The following USP12 variants were observed in gnomAD, a reference collection of about 807,000 sequenced individuals.
The protein encoded by USP12 is ubiquitin specific peptidase 12, also known as ubiquitin carboxyl-terminal hydrolase 12.
In USP12, 19 loss-of-function variants were observed where a neutral mutation model predicts 45.5. The observed-to-expected ratio is 0.42, with a 90% CI of 0.29 to 0.61. The LOEUF is 0.61. Among genes scored for constraint, USP12 ranks in the 20% least tolerant of loss-of-function variants. The pLI is 0.22. For synonymous variants in USP12, 149 were observed against 148.8 expected (o/e 1.00, Z -0.01); for missense variants, 242 against 447.7 (o/e 0.54, Z 4.15).
At chr13:27,127,744 T>C (rs544305579) in intron 1 of USP12, among the ~76,000 whole-genome samples, 28 of 152,330 alleles carry the variant, frequency 1.8e-4, no homozygotes, top group Admixed American at 1.5e-3. Flanking sequence ...GAAGCACATA[T>C]GTAACATATT....
chr13:27,117,884 G>A (rs1365913134), intron 1 of USP12: 3 of 512,822 alleles, frequency 5.8e-6, no homozygotes, highest in Non-Finnish European at 1.2e-5. Context: ...TGAGCACCAT[G>A]GTGGGGGATG....
At chr13:27,136,319 GA>G (rs370350801) in intron 1 of USP12, among the ~76,000 whole-genome samples, 117 of 152,246 alleles carry the variant, frequency 7.7e-4, no homozygotes, top group African/African-American at 2.6e-3. Context: ...CCAACATGGC[GA>G]AACCCCATCT....
At chr13:27,169,226 T>C (rs1361326001) in intron 1 of USP12, 2 of 152,018 alleles carry the variant, frequency 1.3e-5, no homozygotes, top group Non-Finnish European at 2.9e-5. Flanking sequence ...GCCATGAAAC[T>C]GTATGAAGGG....
chr13:27,116,499 T>C lies in USP12; in HGVS notation c.129+17A>G, dbSNP rs762957609. 4.3e-6 allele frequency: 7 copies of C among 1,610,274 alleles called. No individual in the cohort carries two copies. Among genetic ancestry groups the C allele is most frequent in the Non-Finnish European group, 5.9e-6 (7 of 1,177,634 alleles). ...GCTTCCGAACATGATTCTAAAAGCG[T>C]ATCAATGGATACTTACATTGACTAA... On this transcript the variant is annotated intron_variant, in intron 2 of 8. Coordinates refer to ENST00000282344, the MANE Select transcript of USP12 (RefSeq NM_182488.4).
chr13:27,094,041 A>G (rs1874444261), intron 4 of USP12, among the ~76,000 whole-genome samples: 1 of 152,172 alleles, frequency 6.6e-6, no homozygotes, highest in African/African-American at 2.4e-5. Flanking sequence ...TTCCAATGTT[A>G]TTAAAAACTA....
chr13:27,096,717 A>G (rs1874599276), intron 3 of USP12, among the ~76,000 whole-genome samples: 1 of 152,214 alleles, frequency 6.6e-6, no homozygotes, highest in Non-Finnish European at 1.5e-5. Context: ...TGCCACACAC[A>G]AAGTAATGCC....
At chr13:27,128,285 T>C (rs1403145218) in intron 1 of USP12, among the ~76,000 whole-genome samples, 2 of 152,240 alleles carry the variant, frequency 1.3e-5, no homozygotes, top group Non-Finnish European at 2.9e-5. Flanking sequence ...GTAGTAATAA[T>C]ACTGGCTTTT....
At chr13:27,133,349 T>C (rs1414373778) in intron 1 of USP12, among the ~76,000 whole-genome samples, 3 of 152,240 alleles carry the variant, frequency 2.0e-5, no homozygotes, top group Non-Finnish European at 4.4e-5. Flanking sequence ...ATAGTATTAC[T>C]TCAAAGTAGT....
intron 3 of USP12, among the ~76,000 whole-genome samples, chr13:27,102,978 C>T (rs1445519188): frequency 1.3e-5 from 2 of 152,210 alleles, no homozygotes. Flanking sequence ...TGCAACAGTC[C>T]TCTTATGCTA....
chr13:27,084,120 C>A (rs915350537), intron 6 of USP12, among the ~76,000 whole-genome samples: 4 of 147,044 alleles, frequency 2.7e-5, no homozygotes, highest in Non-Finnish European at 6.0e-5. Context: ...TTTTTAACTA[C>A]AAAAAAAATA....
intron 1 of USP12, among the ~76,000 whole-genome samples, chr13:27,155,627 CAGG>C (rs1268977848): frequency 6.6e-6 from 1 of 152,044 alleles, no homozygotes; most frequent in Non-Finnish European, 1.5e-5. Context: ...TGTAAAAGCA[CAGG>C]AGTAGTAAAT....
intron 1 of USP12, among the ~76,000 whole-genome samples, chr13:27,117,477 A>G (rs945266706): frequency 2.1e-5 from 3 of 142,648 alleles, no homozygotes; most frequent in Non-Finnish European, 4.6e-5. Context: ...TTGTTAGGGA[A>G]ATAGATACAT....
chr13:27,107,977 A>G (rs547212846), intron 2 of USP12, among the ~76,000 whole-genome samples: 2 of 152,220 alleles, frequency 1.3e-5, no homozygotes, highest in East Asian at 3.9e-4. Context: ...CAGTGTGGTG[A>G]TTCCTCAGGG....
intron 1 of USP12, among the ~76,000 whole-genome samples, chr13:27,168,692 AT>A (rs1311569945): frequency 6.6e-6 from 1 of 152,176 alleles, no homozygotes; most frequent in Non-Finnish European, 1.5e-5. Context: ...TCTAAACATA[AT>A]CACTCATTTG....
intron 1 of USP12, among the ~76,000 whole-genome samples, chr13:27,144,825 C>T (rs569372695): frequency 1.3e-5 from 2 of 149,506 alleles, no homozygotes; most frequent in East Asian, 1.9e-4. Flanking sequence ...TTTGGGAGGT[C>T]GAAACAGGCA....
At chr13:27,070,928 G>A (rs1341669838) in intron 8 of USP12, 143 bp downstream of exon 8, 4 of 654,158 alleles carry the variant, frequency 6.1e-6, no homozygotes, top group Non-Finnish European at 5.0e-6. Flanking sequence ...AGAGTAAGAA[G>A]TAGGAATTAG....
chr13:27,077,066 G>A (rs1873522831), intron 6 of USP12, among the ~76,000 whole-genome samples: 1 of 152,036 alleles, frequency 6.6e-6, no homozygotes. Flanking sequence ...TTCAGCAACA[G>A]GAAATGTGGA....
chr13:27,097,803 A>G lies in USP12; in HGVS notation c.344-1973T>C, dbSNP rs117919793. Among the ~76,000 whole-genome samples the G allele has an allele frequency of 1.7e-3, 259 of 152,296 alleles. 2 individuals carry two copies. The East Asian group carries it at 0.024, about 14-fold the overall frequency. On this transcript the variant is annotated intron_variant, in intron 3 of 8. Coordinates refer to ENST00000282344, the MANE Select transcript of USP12 (RefSeq NM_182488.4). Reference sequence around the variant, plus strand: ...GTAACAATATTGGCAATATCACTACATGTTGAATATCCTTTATCTAAAATG... The same window carrying G: ...GTAACAATATTGGCAATATCACTACGTGTTGAATATCCTTTATCTAAAATG...
intron 1 of USP12, among the ~76,000 whole-genome samples, chr13:27,130,377 A>T (rs944782354): frequency 1.3e-5 from 2 of 152,160 alleles, no homozygotes; most frequent in Admixed American, 1.3e-4. Flanking sequence ...TTCAGTGACC[A>T]CACACAACAA....
Sources: gnomAD v4.1 joint callset for allele counts (sites outside exome capture counted in the v4.1 genomes callset) on GRCh38, gnomAD v4.1.1 for gene constraint, MANE v1.5 for transcripts, NCBI Gene and HGNC (gene_info 2026-07-23, HGNC 2026-07-21) for gene names.